The following FLT1 variants were observed in gnomAD, a reference collection of about 807,000 sequenced individuals.
The protein encoded by FLT1 is vascular endothelial growth factor receptor 1.
A neutral mutation model predicts 156.3 loss-of-function variants in FLT1; 49 were observed. That is an observed-to-expected ratio of 0.31 (90% CI 0.25 to 0.40). FLT1 has a LOEUF of 0.40. Among genes scored for constraint, FLT1 ranks in the 10% least tolerant of loss-of-function variants. The pLI, the probability that FLT1 is intolerant of heterozygous loss-of-function variation, is 1.00. For missense variants in FLT1, 1,322 were observed against 1,637.2 expected, an observed-to-expected ratio of 0.81 and a Z score of 3.32; for synonymous variants, 594 against 583.8, an observed-to-expected ratio of 1.02 and a Z score of -0.25.
intron 10 of FLT1, among the ~76,000 whole-genome samples, chr13:28,412,329 C>CTTTTTCTTTCTTTTCTTTCTTTCT (rs11343321): frequency 1.1e-5 from 1 of 88,960 alleles, no homozygotes; most frequent in African/African-American, 4.1e-5. Context: ...TTCTTTCTTT[C>CTTTTTCTTTCTTTTCTTTCTTTCT]TTTTCTTTCT....
intron 15 of FLT1, among the ~76,000 whole-genome samples, chr13:28,352,963 C>T (rs531695149): frequency 6.6e-5 from 10 of 152,186 alleles, no homozygotes; most frequent in African/African-American, 2.4e-4. Flanking sequence ...AGACCCATGG[C>T]CATATTGTTT....
chr13:28,494,718 C>G (rs2137683660), intron 1 of FLT1, 62 bp downstream of exon 1: 2 of 1,353,960 alleles, frequency 1.5e-6, no homozygotes, highest in Non-Finnish European at 2.0e-6. Context: ...GCCTCGGAGG[C>G]TCTGCCCTCC....
At chr13:28,469,919 A>AT (rs1237790334) in intron 1 of FLT1, among the ~76,000 whole-genome samples, 1 of 151,842 alleles carries the variant, frequency 6.6e-6, no homozygotes, top group East Asian at 1.9e-4. Context: ...AGCGTGGCTA[A>AT]TTTTTTGTAT....
chr13:28,414,875 G>A (rs1392130333), intron 10 of FLT1, among the ~76,000 whole-genome samples: 1 of 152,088 alleles, frequency 6.6e-6, no homozygotes, highest in Admixed American at 6.6e-5. Context: ...GCTGAAAAAG[G>A]GGCTCTAGTG....
intron 14 of FLT1, among the ~76,000 whole-genome samples, chr13:28,376,833 G>A (rs1873858355): frequency 6.6e-6 from 1 of 152,188 alleles, no homozygotes; most frequent in African/African-American, 2.4e-5. Context: ...TTAGGCGGGT[G>A]GCCTGAAGAG....
rs1267608020 is a variant in FLT1 at position 28,473,725 on chromosome 13, AGAAAGAAG to A, written c.65-6116_65-6109del. Among the ~76,000 whole-genome samples the A allele has an allele frequency of 4.5e-3, 400 of 89,358 alleles. 24 individuals carry two copies. The highest frequency in any genetic ancestry group is 0.013 in the African/African-American group (274 of 20,562). The allele number at this position is 89,358 out of a possible 152,430, so 58.6% of individuals were successfully genotyped here. ...AAGAAAGAAAGAAAGAAAGAAAGAA[AGAAAGAAG>A]GAAGGAAGGAAGGAAGGAAGGAAGG... On this transcript the variant is annotated intron_variant, in intron 1 of 29. Transcript: ENST00000282397.
rs764303647 is a variant in FLT1, at chr13:28,397,056, A to G, written c.1564T>C (p.Leu522=). ...IEGKNKMAST[L]VVADSRISGI... ...GAAATTCTAGAGTCAGCCACAACCA[A>G]GGTGCTAGCCATCTGCAAAAGAAAA... Residue 522 remains leucine (L), a synonymous_variant, in exon 12 of 30, where the codon TTG becomes CTG. Coordinates refer to ENST00000282397, the MANE Select transcript of FLT1 (RefSeq NM_002019.4). 15 of 1,611,454 alleles carry G rather than the reference A, an allele frequency of 9.3e-6. No individual in the cohort carries two copies. In the South Asian group the frequency reaches 1.5e-4, roughly 17 times the overall value.
intron 4 of FLT1, 125 bp downstream of exon 4, chr13:28,438,096 C>T (rs1417226921): frequency 1.1e-6 from 1 of 872,062 alleles, no homozygotes; most frequent in Non-Finnish European, 1.9e-6. Context: ...AAGGATGTTA[C>T]AGGAAAGTCC....
intron 15 of FLT1, chr13:28,345,815 T>C (rs1019970262): frequency 2.6e-5 from 10 of 378,306 alleles, no homozygotes; most frequent in African/African-American, 2.0e-4. Context: ...GCTGTCAAGT[T>C]TGCAAACTTT....
At chr13:28,413,754 C>T (rs950662712) in intron 10 of FLT1, among the ~76,000 whole-genome samples, 1 of 152,200 alleles carries the variant, frequency 6.6e-6, no homozygotes, top group Admixed American at 6.5e-5. Context: ...GAACAGCTTA[C>T]TTCTTATTTA....
At chr13:28,424,893 C>A (rs1382139324) in intron 10 of FLT1, among the ~76,000 whole-genome samples, 3 of 152,154 alleles carry the variant, frequency 2.0e-5, no homozygotes, top group Non-Finnish European at 2.9e-5. Context: ...ACAACTGAAT[C>A]TAAGTTAGTC....
chr13:28,401,192 C>A (rs1875413532), intron 11 of FLT1, among the ~76,000 whole-genome samples: 2 of 152,198 alleles, frequency 1.3e-5, no homozygotes, highest in African/African-American at 2.4e-5. Context: ...TGCCAAAATA[C>A]ATAAATAAAT....
At chr13:28,388,593 T>G in intron 13 of FLT1, 1 of 1,054,932 alleles carries the variant, frequency 9.5e-7, no homozygotes, top group Non-Finnish European at 1.1e-6. Context: ...ACAACTTCTC[T>G]TGATTTAAAA....
At chr13:28,479,639 A>C (rs1880732647) in intron 1 of FLT1, among the ~76,000 whole-genome samples, 1 of 152,228 alleles carries the variant, frequency 6.6e-6, no homozygotes, top group Admixed American at 6.5e-5. Flanking sequence ...TTTTTAAAAG[A>C]AATAATTTAC....
At chr13:28,474,999 C>T (rs1428036355) in intron 1 of FLT1, among the ~76,000 whole-genome samples, 2 of 152,154 alleles carry the variant, frequency 1.3e-5, no homozygotes, top group African/African-American at 4.8e-5. Flanking sequence ...TGAGATTTTA[C>T]ACTAGTTGTT....
At chr13:28,372,064 ATATATATATATATTTT>A (rs1441894474) in intron 14 of FLT1, among the ~76,000 whole-genome samples, 924 of 41,582 alleles carry the variant, frequency 0.022, 14 homozygotes, top group East Asian at 0.088. Context: ...ATATATATAT[ATATATATATATATTTT>A]TTTTTTTTTT....
chr13:28,389,055 G>A (rs1474983314), intron 13 of FLT1: 3 of 1,063,730 alleles, frequency 2.8e-6, no homozygotes, highest in East Asian at 5.0e-5. Context: ...TTCACACTGC[G>A]ATAAACCTTT....
At chr13:28,379,132 C>T (rs1164784873) in intron 14 of FLT1, among the ~76,000 whole-genome samples, 2 of 152,112 alleles carry the variant, frequency 1.3e-5, no homozygotes, top group Non-Finnish European at 2.9e-5. Flanking sequence ...CACTTGAGGT[C>T]AGGAGTTCAA....
rs144531551 is a variant in FLT1 at position 28,337,793 on chromosome 13, G to A, written c.2488+1375C>T. Among the ~76,000 whole-genome samples, 1,195 of 152,288 alleles carry A rather than the reference G, an allele frequency of 7.8e-3. 9 individuals are homozygous for A. Among genetic ancestry groups the A allele is most frequent in the Non-Finnish European group, 0.013 (857 of 68,016 alleles). ...CAATGATACTAGGAAGGAATGAAGC[G>A]ATGGGACAGAAAGCTCATGTGTCCT... On this transcript the variant is annotated intron_variant, in intron 17 of 29. Coordinates refer to ENST00000282397, the MANE Select transcript of FLT1 (RefSeq NM_002019.4).
Sources: allele counts gnomAD v4.1 joint callset (sites outside exome capture counted in the v4.1 genomes callset), GRCh38; gene constraint gnomAD v4.1.1; transcripts MANE v1.5; gene names NCBI Gene and HGNC (gene_info 2026-07-23, HGNC 2026-07-21).